The following TTC7A variants were observed in gnomAD, a reference collection of about 807,000 sequenced individuals.
The protein encoded by TTC7A is tetratricopeptide repeat protein 7A.
A neutral mutation model predicts 103.7 loss-of-function variants in TTC7A; 110 were observed. The ratio of observed to expected loss-of-function variants is 1.06; its 90% CI spans 0.91 to 1.24. The LOEUF (loss-of-function observed/expected upper bound fraction) is 1.24, where lower values mean the gene tolerates loss of function less well. Among genes scored for constraint, TTC7A ranks in the 50% most tolerant of loss-of-function variants. The pLI, the probability that TTC7A is intolerant of heterozygous loss-of-function variation, is 0.00. For synonymous variants in TTC7A, 521 were observed against 467.9 expected (o/e 1.11, Z -1.47); for missense variants, 1,340 against 1,116.3 (o/e 1.20, Z -2.86).
At chr2:46,957,050 G>C (rs766363671) in intron 3 of TTC7A, 43 bp downstream of exon 3, 1 of 1,610,692 alleles carries the variant, frequency 6.2e-7, no homozygotes, top group Non-Finnish European at 8.5e-7. Context: ...ACTGTGTGCA[G>C]CTCGTTGCAC....
chr2:47,024,678 T>C (rs894836191), intron 14 of TTC7A, among the ~76,000 whole-genome samples: 10 of 152,078 alleles, frequency 6.6e-5, no homozygotes, highest in Non-Finnish European at 1.0e-4. Flanking sequence ...TTCCACTGGC[T>C]TTTCCCCAAG....
intron 1 of TTC7A, among the ~76,000 whole-genome samples, chr2:46,949,818 G>A (rs1399712729): frequency 6.6e-6 from 1 of 152,164 alleles, no homozygotes; most frequent in Non-Finnish European, 1.5e-5. Flanking sequence ...TTGAGCCTGG[G>A]AGTGCCATGA....
intron 12 of TTC7A, among the ~76,000 whole-genome samples, chr2:47,022,767 C>G (rs1204387015): frequency 6.6e-6 from 1 of 152,186 alleles, no homozygotes; most frequent in Non-Finnish European, 1.5e-5. Context: ...GTCATCAGCC[C>G]CTTTGTCAAA....
chr2:47,013,196 G>T (rs1462659980), intron 11 of TTC7A, among the ~76,000 whole-genome samples: 1 of 152,168 alleles, frequency 6.6e-6, no homozygotes, highest in Non-Finnish European at 1.5e-5. Context: ...GGCAAGGGAG[G>T]ATACAGGAGG....
intron 5 of TTC7A, among the ~76,000 whole-genome samples, chr2:46,984,047 G>T (rs1046159645): frequency 6.6e-6 from 1 of 152,230 alleles, no homozygotes; most frequent in African/African-American, 2.4e-5. Context: ...CCAGGCACTT[G>T]CATGTCTGTT....
At chr2:46,999,368 C>T (rs1011052979) in intron 8 of TTC7A, 2 of 303,238 alleles carry the variant, frequency 6.6e-6, no homozygotes, top group South Asian at 1.3e-4. Flanking sequence ...TCCATCCACC[C>T]ATCATTCCAT....
rs201427606 is a variant in TTC7A, at chr2:47,023,381, G to T, written c.1511-27G>T. The T allele has an allele frequency of 2.5e-6, 4 of 1,613,264 alleles. No individual in the cohort carries two copies. In the African/African-American group the frequency reaches 4.0e-5, roughly 16 times the overall value. Reference sequence around the variant, plus strand: ...CGGCACCCTTCAGTGACCCCTGATGGCTCAGTTTCTGTCCTGTCCCCTGCA... The same window carrying T: ...CGGCACCCTTCAGTGACCCCTGATGTCTCAGTTTCTGTCCTGTCCCCTGCA... On this transcript the variant is annotated intron_variant, in intron 12 of 19. Transcript: ENST00000319190.
intron 14 of TTC7A, among the ~76,000 whole-genome samples, chr2:47,026,979 G>A (rs117877302): frequency 0.016 from 2,480 of 152,268 alleles, 22 homozygotes; most frequent in South Asian, 0.024. Context: ...ACATCACCGC[G>A]TGAACATGTT....
intron 8 of TTC7A, chr2:46,999,988 C>A (rs993214247): frequency 1.2e-6 from 1 of 865,550 alleles, no homozygotes; most frequent in South Asian, 5.2e-5. Context: ...ATTTACCATT[C>A]ACAATCTGTG....
intron 2 of TTC7A, among the ~76,000 whole-genome samples, chr2:46,930,394 C>T (rs1247424465): frequency 6.8e-6 from 1 of 146,722 alleles, no homozygotes; most frequent in Non-Finnish European, 1.5e-5. Flanking sequence ...TAATTAACTT[C>T]ATGCCTAAAA....
At chr2:46,943,921 G>C (rs1208242026) in intron 1 of TTC7A, among the ~76,000 whole-genome samples, 1 of 152,184 alleles carries the variant, frequency 6.6e-6, no homozygotes, top group Non-Finnish European at 1.5e-5. Context: ...GTAGATTCAG[G>C]GAGGCAGAAA....
chr2:46,970,251 G>A (rs1384031045), intron 3 of TTC7A, among the ~76,000 whole-genome samples: 2 of 152,196 alleles, frequency 1.3e-5, no homozygotes, highest in African/African-American at 4.8e-5. Flanking sequence ...GCTTCCCAGT[G>A]TGCTGGGATT....
rs1377664503 is a variant in TTC7A, at chr2:46,956,889, G to A, written c.399G>A (p.Val133=). 1.2e-6 allele frequency: 2 copies of A among 1,614,072 alleles called. No homozygotes were observed. Among genetic ancestry groups the A allele is most frequent in the Non-Finnish European group, 1.7e-6 (2 of 1,180,040 alleles). The change falls in exon 3 of 20, where the codon GTG becomes GTA. Residue 133 remains valine, a synonymous_variant. Coordinates refer to ENST00000319190, the MANE Select transcript of TTC7A (RefSeq NM_020458.4). ...TGATCCTGGGCAAACTGCATTACGT[G>A]GAGGGCTCATACCGAGATGCCATCA... ...AMLILGKLHY[V]EGSYRDAISM... is the part of the protein sequence containing the mutation.
intron 2 of TTC7A, among the ~76,000 whole-genome samples, chr2:46,931,422 G>A (rs1174684560): frequency 1.3e-5 from 2 of 152,206 alleles, no homozygotes; most frequent in Non-Finnish European, 1.5e-5. Context: ...ACTTTGCAGA[G>A]GTGATTAAAT....
intron 2 of TTC7A, among the ~76,000 whole-genome samples, chr2:46,926,839 T>C (rs769697759): frequency 6.6e-6 from 1 of 152,226 alleles, no homozygotes; most frequent in Non-Finnish European, 1.5e-5. Flanking sequence ...ACAGAGGTTG[T>C]TAAACACTGC....
intron 1 of TTC7A, among the ~76,000 whole-genome samples, chr2:46,948,247 C>T (rs545072469): frequency 1.3e-5 from 2 of 152,266 alleles, no homozygotes; most frequent in African/African-American, 2.4e-5. Flanking sequence ...CAAACCCCAC[C>T]CCTGGCTTTA....
chr2:47,038,039 T>A lies in TTC7A; in HGVS notation c.1803-8276T>A, dbSNP rs1572989105. Among the ~76,000 whole-genome samples, 5 of 151,994 alleles carry A rather than the reference T, an allele frequency of 3.3e-5. 1 individual carries two copies. Among genetic ancestry groups the A allele is most frequent in the Admixed American group, 3.3e-4 (5 of 15,272 alleles). Reference sequence around the variant, plus strand: ...GCCGAGGCGGGCGGATCATTTGAGATCAGGAGTTTGAGACCAGCCTGACCA... The same window carrying A: ...GCCGAGGCGGGCGGATCATTTGAGAACAGGAGTTTGAGACCAGCCTGACCA... On this transcript the variant is annotated intron_variant, in intron 15 of 19. Coordinates refer to ENST00000319190, the MANE Select transcript of TTC7A (RefSeq NM_020458.4).
chr2:47,048,327 TC>T (rs1682535192), intron 16 of TTC7A, among the ~76,000 whole-genome samples: 1 of 152,162 alleles, frequency 6.6e-6, no homozygotes, highest in South Asian at 2.1e-4. Flanking sequence ...GGAGATGGAC[TC>T]TTTGTGGAGC....
chr2:46,925,039 A>T (rs1179985754), intron 2 of TTC7A, among the ~76,000 whole-genome samples: 1 of 152,250 alleles, frequency 6.6e-6, no homozygotes, highest in Non-Finnish European at 1.5e-5. Context: ...GCCTTTAGGG[A>T]TATGGGCTGC....
Sources: allele counts gnomAD v4.1 joint callset (sites outside exome capture counted in the v4.1 genomes callset), GRCh38; gene constraint gnomAD v4.1.1; transcripts MANE v1.5; gene names NCBI Gene and HGNC (gene_info 2026-07-23, HGNC 2026-07-21).